The following NRXN1 variants were observed in gnomAD, a reference collection of about 807,000 sequenced individuals.
NRXN1 encodes the protein neurexin 1, also known as neurexin-1.
NRXN1 carries 39 observed loss-of-function variants against 150.9 expected under a neutral mutation model. The ratio of observed to expected loss-of-function variants is 0.26; its 90% confidence interval spans 0.20 to 0.34. NRXN1 has a LOEUF of 0.34. Ranked by LOEUF, NRXN1 falls within the 10% of genes least tolerant of loss-of-function variation. The probability of loss-of-function intolerance (pLI) is 1.00; values close to 1 mark genes in which losing one functional copy is unlikely to be tolerated. For synonymous variants in NRXN1, 924 were observed against 757.0 expected (o/e 1.22, Z -3.62); for missense variants, 1,815 against 1,949.9 (o/e 0.93, Z 1.30).
intron 21 of NRXN1, among the ~76,000 whole-genome samples, chr2:49,998,662 T>C (rs930354684): frequency 6.6e-6 from 1 of 152,066 alleles, no homozygotes; most frequent in South Asian, 2.1e-4. Context: ...ATGGACATAA[T>C]TTAACCTTTT....
At chr2:50,644,528 G>C (rs868580661) in intron 5 of NRXN1, among the ~76,000 whole-genome samples, 5 of 151,450 alleles carry the variant, frequency 3.3e-5, no homozygotes, top group Admixed American at 6.6e-5. Flanking sequence ...CCTACAGTCC[G>C]AAACTAAAGA....
chr2:50,148,724 G>A (rs74362403), intron 18 of NRXN1, among the ~76,000 whole-genome samples: 1 of 151,688 alleles, frequency 6.6e-6, no homozygotes, highest in Non-Finnish European at 1.5e-5. Context: ...TCAGAGGATA[G>A]AAACACACAA....
chr2:50,397,031 G>A (rs2082096062), intron 17 of NRXN1, among the ~76,000 whole-genome samples: 1 of 151,974 alleles, frequency 6.6e-6, no homozygotes, highest in African/African-American at 2.4e-5. Context: ...TTCCACTCCT[G>A]ACTCTCCCGA....
chr2:50,100,087 A>G (rs1032165302), intron 18 of NRXN1, among the ~76,000 whole-genome samples: 3 of 152,128 alleles, frequency 2.0e-5, no homozygotes, highest in Admixed American at 2.0e-4. Flanking sequence ...TTCCTTCAAA[A>G]TTTAAAAAAA....
intron 18 of NRXN1, among the ~76,000 whole-genome samples, chr2:50,141,560 C>T (rs1401137471): frequency 1.3e-5 from 2 of 151,900 alleles, no homozygotes; most frequent in Non-Finnish European, 2.9e-5. Context: ...AACTATTCAT[C>T]CAAGGGACTA....
intron 18 of NRXN1, among the ~76,000 whole-genome samples, chr2:50,123,727 A>T (rs74742734): frequency 0.017 from 2,598 of 152,264 alleles, 75 homozygotes; most frequent in African/African-American, 0.059. Context: ...AATGAGATTT[A>T]CTGATAGATT....
chr2:50,019,103 TTACC>T (rs2152556940), intron 21 of NRXN1: 1 of 317,616 alleles, frequency 3.1e-6, no homozygotes. Context: ...TTCCAAAACA[TTACC>T]TCATCTGTGC....
chr2:50,762,291 G>T lies in NRXN1; in HGVS notation c.833-138676C>A, dbSNP rs183695662. ...TGAGTAGCTGAGACTACAGGCTCAT[G>T]CCACCATGTCCAGCTCTAAGAGGTC... On this transcript the variant is annotated intron_variant, in intron 5 of 22. Transcript: ENST00000401669. Among the ~76,000 whole-genome samples, 498 of 151,814 alleles carry T rather than the reference G, an allele frequency of 3.3e-3. 3 individuals are homozygous for T. Among genetic ancestry groups the T allele is most frequent in the African/African-American group, 0.012 (484 of 41,442 alleles).
intron 2 of NRXN1, among the ~76,000 whole-genome samples, chr2:50,938,680 T>C (rs1007125021): frequency 1.3e-5 from 2 of 152,126 alleles, no homozygotes; most frequent in African/African-American, 4.8e-5. Context: ...TGGCTGAGGA[T>C]GTCTCAAGAA....
chr2:50,020,290 T>C lies in NRXN1; in HGVS notation c.4128+32981A>G, dbSNP rs528152755. 5.3e-5 allele frequency among the ~76,000 whole-genome samples: 8 copies of C among 150,928 alleles called. No homozygotes were observed. The East Asian group carries it at 1.4e-3, about 26-fold the overall frequency. Reference sequence around the variant, plus strand: ...CCTGTTCTTAAATGGTTTTACTCTTTGTTATATTCATTCTAATTAAACTGT... The same window carrying C: ...CCTGTTCTTAAATGGTTTTACTCTTCGTTATATTCATTCTAATTAAACTGT... On this transcript the variant is annotated intron_variant, in intron 21 of 22. Transcript: ENST00000401669.
At chr2:50,964,051 T>A in intron 2 of NRXN1, 1 of 401,430 alleles carries the variant, frequency 2.5e-6, no homozygotes, top group South Asian at 1.8e-5. Context: ...CAGAAGAATA[T>A]GAAATGAAGG....
At chr2:50,333,468 C>T (rs969772748) in intron 17 of NRXN1, among the ~76,000 whole-genome samples, 1 of 152,122 alleles carries the variant, frequency 6.6e-6, no homozygotes, top group Non-Finnish European at 1.5e-5. Flanking sequence ...AGCATGACAT[C>T]TATCAGGCTC....
At chr2:50,606,250 G>GAAAAAAA (rs1203771076) in intron 8 of NRXN1, among the ~76,000 whole-genome samples, 2 of 75,504 alleles carry the variant, frequency 2.6e-5, no homozygotes, top group Non-Finnish European at 5.0e-5. Flanking sequence ...CTCTGTTTCA[G>GAAAAAAA]AAAAAAAAAA....
chr2:50,490,856 T>C (rs2091213176), intron 15 of NRXN1, among the ~76,000 whole-genome samples: 1 of 152,156 alleles, frequency 6.6e-6, no homozygotes, highest in African/African-American at 2.4e-5. Flanking sequence ...GCTCAACAGC[T>C]GAAAGGGTTT....
At position 50,318,486 on chromosome 2, in the gene NRXN1, A is replaced by G. The variant is rs114112833; in HGVS notation, c.3365-81516T>C. Among the ~76,000 whole-genome samples the G allele has an allele frequency of 3.1e-3, 473 of 152,214 alleles. 3 individuals are homozygous for G. The highest frequency in any genetic ancestry group is 0.011 in the African/African-American group (461 of 41,550). ...TGCATGATCCAGAGTCACATGAAAC[A>G]GGGTTCAAGGAGCACTGTTTGTAAG... On this transcript the variant is annotated intron_variant, in intron 17 of 22. Coordinates refer to ENST00000401669, the MANE Select transcript of NRXN1 (RefSeq NM_001330078.2).
At chr2:50,281,469 T>C (rs2071454951) in intron 17 of NRXN1, among the ~76,000 whole-genome samples, 1 of 152,088 alleles carries the variant, frequency 6.6e-6, no homozygotes, top group South Asian at 2.1e-4. Flanking sequence ...TACCTTTCCA[T>C]AACTATAATA....
At chr2:50,476,207 C>T (rs746965809) in intron 15 of NRXN1, among the ~76,000 whole-genome samples, 1 of 151,856 alleles carries the variant, frequency 6.6e-6, no homozygotes, top group East Asian at 1.9e-4. Context: ...TCAATAATAC[C>T]CTTATTTTTA....
chr2:50,652,937 T>C (rs1490797574), intron 5 of NRXN1, among the ~76,000 whole-genome samples: 1 of 152,078 alleles, frequency 6.6e-6, no homozygotes, highest in Admixed American at 6.6e-5. Context: ...GCTAATGATG[T>C]TGAGCCTCTA....
chr2:50,978,271 C>CATACAT (rs1295670474), intron 2 of NRXN1, among the ~76,000 whole-genome samples: 7 of 95,020 alleles, frequency 7.4e-5, no homozygotes, highest in Admixed American at 1.1e-4. Context: ...GGATATTATA[C>CATACAT]ATATATATAT....
Sources: gnomAD v4.1 joint callset for allele counts (sites outside exome capture counted in the v4.1 genomes callset) on GRCh38, gnomAD v4.1.1 for gene constraint, MANE v1.5 for transcripts, NCBI Gene and HGNC (gene_info 2026-07-23, HGNC 2026-07-21) for gene names.